Variants in UBE2E1 observed in about 807,000 individuals in gnomAD.
UBE2E1 encodes the protein ubiquitin conjugating enzyme E2 E1.
In UBE2E1, 6 loss-of-function variants were observed where a neutral mutation model predicts 21.4. The observed-to-expected ratio is 0.28, with a 90% CI of 0.15 to 0.55. UBE2E1 has a LOEUF of 0.55. Ranked by LOEUF, UBE2E1 falls within the 20% of genes least tolerant of loss-of-function variation. UBE2E1 has a pLI of 0.93. For missense variants in UBE2E1, 142 were observed against 236.5 expected, an observed-to-expected ratio of 0.60 and a Z score of 2.62; for synonymous variants, 87 against 82.7, an observed-to-expected ratio of 1.05 and a Z score of -0.28.
In UBE2E1 at chr3:23,810,556, G is replaced by T; in HGVS notation, c.153-904G>T. 1 of 1,528,160 alleles carries T rather than the reference G, an allele frequency of 6.5e-7. No individual in the cohort carries two copies. Among genetic ancestry groups the T allele is most frequent in the Non-Finnish European group, 8.8e-7 (1 of 1,141,788 alleles). The allele number at this position is 1,528,160 out of a possible 1,614,324, so 94.7% of individuals were successfully genotyped here. The stretch of plus-strand genomic sequence containing the variant: ...CCGGGGAGGTGGGCCGAGAGTCCCG[G>T]CCAGCGTGCGGGGCGGAGGCAGGGT... On this transcript the variant is annotated intron_variant, in intron 2 of 5. Transcript: ENST00000306627. The surrounding 1 kb of genome is among the most constrained non-coding windows in gnomAD (Gnocchi z 5.8).
At chr3:23,815,129 C>T (rs900267934) in intron 3 of UBE2E1, among the ~76,000 whole-genome samples, 6 of 152,082 alleles carry the variant, frequency 3.9e-5, no homozygotes, top group Non-Finnish European at 7.3e-5. Context: ...TACAGGCGTT[C>T]GACACTACAC....
Position 23,828,213 on chromosome 3 carries a change from T to C in UBE2E1, c.203+16703T>C, listed in dbSNP as rs147114428. On this transcript the variant is annotated intron_variant, in intron 3 of 5. Coordinates refer to ENST00000306627, the MANE Select transcript of UBE2E1 (RefSeq NM_003341.5). Reference sequence around the variant, plus strand: ...GAATGATTACTGAAACAAATTAAAATACAGCATTTAGTAGTAGTTGTATAA... The same window carrying C: ...GAATGATTACTGAAACAAATTAAAACACAGCATTTAGTAGTAGTTGTATAA... Among the ~76,000 whole-genome samples the C allele has an allele frequency of 2.0e-5, 3 of 152,332 alleles. No homozygotes were observed. The East Asian group carries it at 5.8e-4, about 29-fold the overall frequency.
In UBE2E1 at chr3:23,887,003, T is replaced by C. The variant is rs1028800755; in HGVS notation, c.204-564T>C. On this transcript the variant is annotated intron_variant, in intron 3 of 5. Transcript: ENST00000306627. The surrounding 1 kb of genome is among the most constrained non-coding windows in gnomAD (Gnocchi z 4.4). Reference sequence around the variant, plus strand: ...AGAGAACCCAATTATAGAATACACATTGAAATGAAAATTGAATAACCTGTA... The same window carrying C: ...AGAGAACCCAATTATAGAATACACACTGAAATGAAAATTGAATAACCTGTA... Among the ~76,000 whole-genome samples the C allele has an allele frequency of 6.6e-6, 1 of 152,170 alleles. No individual in the cohort carries two copies. The highest frequency in any genetic ancestry group is 1.5e-5 in the Non-Finnish European group (1 of 68,036).
At chr3:23,847,827 T>C (rs1488686372) in intron 3 of UBE2E1, among the ~76,000 whole-genome samples, 1 of 152,160 alleles carries the variant, frequency 6.6e-6, no homozygotes, top group East Asian at 1.9e-4. Context: ...ATGCACGTGA[T>C]AGACAACTCA....
rs1181451780 is a variant in UBE2E1, at chr3:23,836,354, G to A, written c.203+24844G>A. ...GTCCTCACAAGTTTTCACCTATAAT[G>A]TATTTACTCATTAAACATCAGATGT... On this transcript the variant is annotated intron_variant, in intron 3 of 5. Transcript: ENST00000306627. This position sits in a 1 kb window ranked among gnomAD's most constrained non-coding sequence, Gnocchi z 4.1. 1.3e-5 allele frequency among the ~76,000 whole-genome samples: 2 copies of A among 152,172 alleles called. No individual in the cohort carries two copies. Among genetic ancestry groups the A allele is most frequent in the African/African-American group, 2.4e-5 (1 of 41,446 alleles).
intron 3 of UBE2E1, among the ~76,000 whole-genome samples, chr3:23,873,120 C>T (rs1700839356): frequency 6.6e-6 from 1 of 152,190 alleles, no homozygotes; most frequent in Admixed American, 6.5e-5. Flanking sequence ...ATACCTGCTT[C>T]TGCATTCAGG....
In UBE2E1 at chr3:23,828,149, AT is replaced by A. The variant is rs563434455; in HGVS notation, c.203+16642del. On this transcript the variant is annotated intron_variant, in intron 3 of 5. Transcript: ENST00000306627. Reference sequence around the variant, plus strand: ...GTTTTTAAAAAATATGATTATTTTTATTTCTTGTACCTAACACCAGAAGATG... The same window carrying A: ...GTTTTTAAAAAATATGATTATTTTTATTCTTGTACCTAACACCAGAAGATG... 2.5e-3 allele frequency among the ~76,000 whole-genome samples: 385 copies of A among 152,276 alleles called. 1 individual carries two copies. The highest frequency in any genetic ancestry group is 6.8e-3 in the Middle Eastern group (2 of 294).
chr3:23,875,954 G>A (rs1252617144), intron 3 of UBE2E1, among the ~76,000 whole-genome samples: 1 of 152,180 alleles, frequency 6.6e-6, no homozygotes, highest in Non-Finnish European at 1.5e-5. Context: ...TGTGTTTTTA[G>A]TAGAGACGGG....
chr3:23,834,712 G>A (rs968489516), intron 3 of UBE2E1, among the ~76,000 whole-genome samples: 2 of 151,992 alleles, frequency 1.3e-5, no homozygotes, highest in Non-Finnish European at 2.9e-5. Flanking sequence ...CTGGATGACA[G>A]AGCGAGACCC....
chr3:23,867,043 C>G (rs1700670776), intron 3 of UBE2E1, among the ~76,000 whole-genome samples: 1 of 151,228 alleles, frequency 6.6e-6, no homozygotes, highest in Non-Finnish European at 1.5e-5. Flanking sequence ...AAACAAATCA[C>G]TTAATCCTGA....
Position 23,823,170 on chromosome 3 carries a change from T to G in UBE2E1, c.203+11660T>G, listed in dbSNP as rs1699681659. On this transcript the variant is annotated intron_variant, in intron 3 of 5. Coordinates refer to ENST00000306627, the MANE Select transcript of UBE2E1 (RefSeq NM_003341.5). This position sits in a 1 kb window ranked among gnomAD's most constrained non-coding sequence, Gnocchi z 4.2. ...TGTTTTTCATCCTTTTAATATGGGC[T>G]GTTATGTTAATGCTTTACATTGGAT... Among the ~76,000 whole-genome samples, 1 of 152,198 alleles carries G rather than the reference T, an allele frequency of 6.6e-6. No individual in the cohort carries two copies. Among genetic ancestry groups the G allele is most frequent in the Admixed American group, 6.5e-5 (1 of 15,284 alleles).
At chr3:23,880,609 G>C (rs1327385241) in intron 3 of UBE2E1, among the ~76,000 whole-genome samples, 2 of 152,128 alleles carry the variant, frequency 1.3e-5, no homozygotes, top group African/African-American at 4.8e-5. Flanking sequence ...TTCTTTAAAA[G>C]AAATCAATAA....
chr3:23,867,282 A>T (rs1700678132), intron 3 of UBE2E1, among the ~76,000 whole-genome samples: 1 of 152,182 alleles, frequency 6.6e-6, no homozygotes, highest in African/African-American at 2.4e-5. Context: ...CAATTGTGTT[A>T]GGGTACTTTT....
chr3:23,829,714 G>T (rs1034734663), intron 3 of UBE2E1, among the ~76,000 whole-genome samples: 11 of 152,208 alleles, frequency 7.2e-5, no homozygotes, highest in African/African-American at 2.4e-4. Context: ...AACTGAGAAA[G>T]GAAAGGGGTC....
rs767492103 is a variant in UBE2E1 at position 23,853,776 on chromosome 3, G to C, written c.204-33791G>C. On this transcript the variant is annotated intron_variant, in intron 3 of 5. Transcript: ENST00000306627. The surrounding 1 kb of genome is among the most constrained non-coding windows in gnomAD (Gnocchi z 4.1). ...AGTCTGCCAGTGCTCAAAAATTCCT[G>C]GTGGTGGTTTTTCAGGGATACCACC... Among the ~76,000 whole-genome samples, 8 of 152,070 alleles carry C rather than the reference G, an allele frequency of 5.3e-5. No homozygotes were observed. Among genetic ancestry groups the C allele is most frequent in the African/African-American group, 1.2e-4 (5 of 41,404 alleles).
chr3:23,886,758 C>T (rs552826876), intron 3 of UBE2E1, among the ~76,000 whole-genome samples: 1 of 152,240 alleles, frequency 6.6e-6, no homozygotes, highest in Non-Finnish European at 1.5e-5. Context: ...ATTTAACCCT[C>T]TGCCTAGTAC....
chr3:23,829,596 T>C (rs903265093), intron 3 of UBE2E1, among the ~76,000 whole-genome samples: 4 of 152,020 alleles, frequency 2.6e-5, no homozygotes, highest in Non-Finnish European at 4.4e-5. Context: ...TGAGCCCCCA[T>C]ACCTGCCCCT....
At chr3:23,820,800 C>A (rs1361178146) in intron 3 of UBE2E1, among the ~76,000 whole-genome samples, 2 of 152,164 alleles carry the variant, frequency 1.3e-5, no homozygotes, top group Non-Finnish European at 2.9e-5. Context: ...AAATGATGAT[C>A]ATTATCCATA....
In UBE2E1 at chr3:23,863,385, C is replaced by A. The variant is rs935228005; in HGVS notation, c.204-24182C>A. ...CTCCCTCCCCAAGTTATTCTCTCACCTTTTCCCCTCTCCCTTTCTCCCTCT... is the reference window on the plus strand; with the variant it reads ...CTCCCTCCCCAAGTTATTCTCTCACATTTTCCCCTCTCCCTTTCTCCCTCT... On this transcript the variant is annotated intron_variant, in intron 3 of 5. Transcript: ENST00000306627. This position sits in a 1 kb window ranked among gnomAD's most constrained non-coding sequence, Gnocchi z 4.3. Among the ~76,000 whole-genome samples the A allele has an allele frequency of 6.6e-6, 1 of 152,026 alleles. No homozygotes were observed.
Sources: allele counts gnomAD v4.1 joint callset (sites outside exome capture counted in the v4.1 genomes callset), GRCh38; gene constraint gnomAD v4.1.1; non-coding constraint Gnocchi (gnomAD v3.1); transcripts MANE v1.5; gene names NCBI Gene and HGNC (gene_info 2026-07-23, HGNC 2026-07-21).